The following SCFD1 variants were observed in gnomAD, a reference collection of about 807,000 sequenced individuals.
SCFD1 encodes the protein sec1 family domain-containing protein 1.
Under a neutral mutation model 103.2 loss-of-function variants are expected in SCFD1, and 37 were observed. That is an observed-to-expected ratio of 0.36 (90% confidence interval 0.28 to 0.47). The LOEUF (loss-of-function observed/expected upper bound fraction) is 0.47, where lower values mean the gene tolerates loss of function less well. Among genes scored for constraint, SCFD1 ranks in the 20% least tolerant of loss-of-function variants. SCFD1 has a pLI of 1.00. For missense variants in SCFD1, 639 were observed against 761.2 expected (o/e 0.84, Z 1.89); for synonymous variants, 264 against 245.0 (o/e 1.08, Z -0.73).
upstream of SCFD1, chr14:30,622,263 C>G: frequency 6.4e-7 from 1 of 1,574,028 alleles, no homozygotes; most frequent in Non-Finnish European, 8.6e-7. Context: ...CCGGGCTTTG[C>G]TTCCGGGGCG....
intron 17 of SCFD1, among the ~76,000 whole-genome samples, chr14:30,703,966 T>TATATATATATAA (rs1433198478): frequency 2.2e-5 from 2 of 90,916 alleles, no homozygotes; most frequent in Non-Finnish European, 4.3e-5. Context: ...TATATATAAA[T>TATATATATATAA]AATGAGATAT....
intron 20 of SCFD1, among the ~76,000 whole-genome samples, chr14:30,717,562 A>C (rs2139398080): frequency 6.6e-6 from 1 of 152,310 alleles, no homozygotes; most frequent in Non-Finnish European, 1.5e-5. Flanking sequence ...TAATAATGAT[A>C]ATAGCTAACA....
chr14:30,625,565 A>G (rs1434887506), intron 1 of SCFD1, among the ~76,000 whole-genome samples: 1 of 151,464 alleles, frequency 6.6e-6, no homozygotes, highest in Non-Finnish European at 1.5e-5. Flanking sequence ...AACTCTGAAC[A>G]CAGGCCGTGT....
chr14:30,717,348 A>C (rs371781506), intron 20 of SCFD1, among the ~76,000 whole-genome samples: 5 of 152,152 alleles, frequency 3.3e-5, no homozygotes, highest in South Asian at 2.1e-4. Flanking sequence ...GTGGTGATAC[A>C]CACCTGTAGT....
chr14:30,703,395 A>G (rs1412983196), intron 17 of SCFD1, among the ~76,000 whole-genome samples: 1 of 150,676 alleles, frequency 6.6e-6, no homozygotes, highest in African/African-American at 2.4e-5. Context: ...ATCCATATGT[A>G]TGTGTTCATA....
At chr14:30,628,051 A>G (rs79704906) in intron 1 of SCFD1, among the ~76,000 whole-genome samples, 158 bp from the exon 2 acceptor site, 6,947 of 151,090 alleles carry the variant, frequency 0.046, 206 homozygotes, top group Non-Finnish European at 0.064. Flanking sequence ...GAATAGTCTT[A>G]CAAGATCTGA....
At position 30,674,978 on chromosome 14, in the gene SCFD1, T is replaced by A. The variant is rs774559123; in HGVS notation, c.1161-6T>A. 1.3e-6 allele frequency: 2 copies of A among 1,542,006 alleles called. No individual in the cohort carries two copies. Among genetic ancestry groups the A allele is most frequent in the South Asian group, 1.2e-5 (1 of 82,188 alleles). Reference sequence around the variant, plus strand: ...TGGTTAATATTTAATTTTTTGATACTTGCAGTTCTTTGCCAGAACTCCTTG... The same window carrying A: ...TGGTTAATATTTAATTTTTTGATACATGCAGTTCTTTGCCAGAACTCCTTG... On this transcript the variant is annotated splice_region_variant and splice_polypyrimidine_tract_variant and intron_variant, in intron 13 of 24. Coordinates refer to ENST00000458591, the MANE Select transcript of SCFD1 (RefSeq NM_016106.4).
At chr14:30,716,799 CAA>C (rs1237729148) in intron 20 of SCFD1, among the ~76,000 whole-genome samples, 2 of 151,982 alleles carry the variant, frequency 1.3e-5, no homozygotes, top group Non-Finnish European at 2.9e-5. Context: ...AAGAAACTAA[CAA>C]ATTTTAAAAT....
At chr14:30,658,068 A>C in intron 10 of SCFD1, 1 of 454,572 alleles carries the variant, frequency 2.2e-6, no homozygotes, top group South Asian at 1.6e-5. Context: ...CTTTTTTATT[A>C]TATCTTGGTT....
At chr14:30,648,084 A>G (rs750894285) in intron 7 of SCFD1, among the ~76,000 whole-genome samples, 1 of 152,210 alleles carries the variant, frequency 6.6e-6, no homozygotes, top group Admixed American at 6.5e-5. Context: ...GTTTTTTTAC[A>G]TATACACACA....
intron 23 of SCFD1, among the ~76,000 whole-genome samples, chr14:30,730,455 A>AC (rs1887802488): frequency 6.6e-6 from 1 of 152,196 alleles, no homozygotes; most frequent in African/African-American, 2.4e-5. Context: ...CAATGGTTGA[A>AC]CTAGTTTACA....
intron 3 of SCFD1, among the ~76,000 whole-genome samples, chr14:30,631,984 G>T (rs1009567581): frequency 6.9e-6 from 1 of 144,204 alleles, no homozygotes; most frequent in Non-Finnish European, 1.5e-5. Context: ...GGAGGCAGAG[G>T]TTGTAGTGAA....
intron 21 of SCFD1, among the ~76,000 whole-genome samples, chr14:30,720,629 C>T (rs1396153790): frequency 6.6e-6 from 1 of 152,038 alleles, no homozygotes; most frequent in East Asian, 1.9e-4. Context: ...TGTTTATTCT[C>T]TAAGCAATAC....
In SCFD1 at chr14:30,716,041, A is replaced by T. The variant is rs1473587450; in HGVS notation, c.1683+64A>T. On this transcript the variant is annotated intron_variant, in intron 20 of 24. Coordinates refer to ENST00000458591, the MANE Select transcript of SCFD1 (RefSeq NM_016106.4). ...TGTGTCAAACTGACTAGTATGAAAG[A>T]GGATAAAATCAGATTGAGTTCCTTG... The T allele has an allele frequency of 3.3e-6, 3 of 907,506 alleles. No individual in the cohort carries two copies. The Admixed American group carries it at 6.2e-5, about 19-fold the overall frequency. The allele number at this position is 907,506 out of a possible 1,614,324, so 56.2% of individuals were successfully genotyped here. A position where few individuals can be genotyped will look rare whatever the true frequency, so the allele number is the denominator to read the frequency against.
intron 16 of SCFD1, among the ~76,000 whole-genome samples, chr14:30,701,223 T>C (rs1471863201): frequency 6.6e-6 from 1 of 152,148 alleles, no homozygotes; most frequent in Non-Finnish European, 1.5e-5. Context: ...ACCTGATATT[T>C]GCTCTCAGCC....
chr14:30,708,096 A>G, intron 19 of SCFD1, 31 bp downstream of exon 19: 1 of 1,399,778 alleles, frequency 7.1e-7, no homozygotes, highest in Non-Finnish European at 1.0e-6. Context: ...ACATACTGGT[A>G]ACTTTTAAAC....
intron 14 of SCFD1, among the ~76,000 whole-genome samples, chr14:30,677,421 T>C (rs1334296333): frequency 6.6e-6 from 1 of 152,180 alleles, no homozygotes; most frequent in Non-Finnish European, 1.5e-5. Context: ...GACATTCACT[T>C]TACAGAGGGA....
chr14:30,638,270 T>G, intron 5 of SCFD1, 23 bp downstream of exon 5: 3 of 1,612,624 alleles, frequency 1.9e-6, no homozygotes, highest in Non-Finnish European at 2.5e-6. Context: ...GGTGGGTTGA[T>G]GACATTTTGT....
upstream of SCFD1, chr14:30,622,314 C>T (rs1882901724): frequency 6.3e-7 from 1 of 1,592,742 alleles, no homozygotes; most frequent in Non-Finnish European, 8.5e-7. Flanking sequence ...GCTCCCCAGC[C>T]GGGCAGTGGC....
Sources: allele counts gnomAD v4.1 joint callset (sites outside exome capture counted in the v4.1 genomes callset), GRCh38; gene constraint gnomAD v4.1.1; transcripts MANE v1.5; gene names NCBI Gene and HGNC (gene_info 2026-07-23, HGNC 2026-07-21).